PDK1: variants seen among roughly 807,000 people sequenced by gnomAD.
PDK1 encodes [Pyruvate dehydrogenase (acetyl-transferring)] kinase isozyme 1, mitochondrial.
PDK1 carries 39 observed loss-of-function variants against 54.2 expected under a neutral mutation model. The observed-to-expected ratio is 0.72, with a 90% CI of 0.56 to 0.94. PDK1 has a LOEUF of 0.94. PDK1 is among the 40% of genes least tolerant of loss of function. The pLI, the probability that PDK1 is intolerant of heterozygous loss-of-function variation, is 0.00. For missense variants in PDK1, 552 were observed against 566.0 expected (o/e 0.98, Z 0.25); for synonymous variants, 221 against 207.1 (o/e 1.07, Z -0.58).
the PDK1 span, among the ~76,000 whole-genome samples, chr2:172,669,765 A>G: frequency 6.6e-6 from 1 of 152,188 alleles, no homozygotes; most frequent in Non-Finnish European, 1.5e-5. Context: ...GATGTTGAGC[A>G]TTTTTTAATT....
chr2:172,645,328 T>G, the PDK1 span, among the ~76,000 whole-genome samples: 1 of 123,996 alleles, frequency 8.1e-6, no homozygotes, highest in Non-Finnish European at 1.6e-5. Flanking sequence ...TGGAGTGCAG[T>G]GGCACGATCT....
chr2:172,700,348 C>T, the PDK1 span, among the ~76,000 whole-genome samples: 5 of 149,782 alleles, frequency 3.3e-5, no homozygotes, highest in South Asian at 1.1e-3. Context: ...AGAGGCGCCC[C>T]CCACCTCCTG....
the PDK1 span, among the ~76,000 whole-genome samples, chr2:172,630,053 A>G: frequency 6.6e-6 from 1 of 152,230 alleles, no homozygotes; most frequent in South Asian, 2.1e-4. Flanking sequence ...AAATGGCTGC[A>G]GAAGCCTACT....
At chr2:172,671,765 A>C in the PDK1 span, among the ~76,000 whole-genome samples, 1 of 152,294 alleles carries the variant, frequency 6.6e-6, no homozygotes, top group Non-Finnish European at 1.5e-5. Context: ...GAAGAGAAAG[A>C]GAAGAGGCAA....
chr2:172,618,521 GC>G, the PDK1 span, among the ~76,000 whole-genome samples: 350 of 152,270 alleles, frequency 2.3e-3, no homozygotes, highest in Non-Finnish European at 4.2e-3. Context: ...GAGAACTGAA[GC>G]CAAAGATGAA....
At chr2:172,710,819 T>C in the PDK1 span, among the ~76,000 whole-genome samples, 1 of 152,310 alleles carries the variant, frequency 6.6e-6, no homozygotes, top group Non-Finnish European at 1.5e-5. Flanking sequence ...AACATTCCCA[T>C]GCAAAAGCAA....
intron 9 of PDK1, among the ~76,000 whole-genome samples, chr2:172,592,152 G>A (rs1690624768): frequency 6.6e-6 from 1 of 152,198 alleles, no homozygotes; most frequent in Non-Finnish European, 1.5e-5. Context: ...AGTGCTTCCG[G>A]GCTATGCCCT....
chr2:172,642,722 T>A, the PDK1 span, among the ~76,000 whole-genome samples: 1 of 152,214 alleles, frequency 6.6e-6, no homozygotes, highest in Non-Finnish European at 1.5e-5. Context: ...GCTCCCTCCC[T>A]CAGGCACTTT....
chr2:172,625,998 T>G, the PDK1 span, among the ~76,000 whole-genome samples: 1 of 152,200 alleles, frequency 6.6e-6, no homozygotes, highest in African/African-American at 2.4e-5. Flanking sequence ...CTGCAGCAGG[T>G]AAAAACATTT....
the PDK1 span, among the ~76,000 whole-genome samples, chr2:172,715,881 A>G: frequency 6.6e-6 from 1 of 152,230 alleles, no homozygotes; most frequent in Non-Finnish European, 1.5e-5. Flanking sequence ...CATTCTTTTT[A>G]GTGATCTAGA....
chr2:172,717,908 A>T, the PDK1 span, among the ~76,000 whole-genome samples: 1 of 152,194 alleles, frequency 6.6e-6, no homozygotes, highest in South Asian at 2.1e-4. Context: ...TGTGTAAGAC[A>T]CTTCATTTTA....
rs1457163296 is a variant in PDK1, at chr2:172,604,470, G to C, written c.*8501G>C. ...TTGTTAGACTTAAATCTAAGTATTT[G>C]CTTTTTTTTTAACTTACAAATTTTT... On this transcript the variant is annotated 3_prime_UTR_variant, in exon 11 of 11. Coordinates refer to ENST00000282077, the MANE Select transcript of PDK1 (RefSeq NM_002610.5). The C allele has an allele frequency of 6.6e-6, 1 of 151,906 alleles. No individual in the cohort carries two copies. Among genetic ancestry groups the C allele is most frequent in the Non-Finnish European group, 1.5e-5 (1 of 67,968 alleles). 9.4% of individuals were successfully genotyped at this position (151,906 alleles called of 1,614,324 possible).
At chr2:172,572,911 T>C (rs951213073) in intron 8 of PDK1, among the ~76,000 whole-genome samples, 1 of 152,206 alleles carries the variant, frequency 6.6e-6, no homozygotes, top group Admixed American at 6.5e-5. Context: ...TATAATGTTA[T>C]AGTATGCATT....
chr2:172,653,146 G>T, the PDK1 span, among the ~76,000 whole-genome samples: 1 of 152,104 alleles, frequency 6.6e-6, no homozygotes, highest in African/African-American at 2.4e-5. Context: ...GAACAGAACA[G>T]AGCCCTCGGA....
chr2:172,558,680 C>G (rs1281820597), intron 1 of PDK1, 28 bp from the exon 2 acceptor site: 2 of 1,567,996 alleles, frequency 1.3e-6, no homozygotes, highest in Non-Finnish European at 1.7e-6. Context: ...CTTTTACTTA[C>G]TGCTTTACCC....
the PDK1 span, among the ~76,000 whole-genome samples, chr2:172,720,633 C>T: frequency 1.3e-4 from 20 of 152,192 alleles, 1 homozygote; most frequent in Non-Finnish European, 2.5e-4. Flanking sequence ...CTTCCCTGTA[C>T]CTGCCCAGTA....
At chr2:172,697,827 A>G in the PDK1 span, among the ~76,000 whole-genome samples, 1 of 152,302 alleles carries the variant, frequency 6.6e-6, no homozygotes, top group African/African-American at 2.4e-5. Flanking sequence ...TATCTCATTT[A>G]TATTATACAT....
intron 8 of PDK1, among the ~76,000 whole-genome samples, chr2:172,583,526 T>C (rs954633402): frequency 6.6e-6 from 1 of 151,940 alleles, no homozygotes; most frequent in Admixed American, 6.6e-5. Flanking sequence ...ACTGCTGACC[T>C]CAAGTGATTC....
At chr2:172,668,738 T>TTA in the PDK1 span, among the ~76,000 whole-genome samples, 1 of 147,724 alleles carries the variant, frequency 6.8e-6, no homozygotes, top group East Asian at 2.0e-4. Context: ...TCATTTTATT[T>TTA]TATATATATT....
Sources: gnomAD v4.1 joint callset for allele counts (sites outside exome capture counted in the v4.1 genomes callset) on GRCh38, gnomAD v4.1.1 for gene constraint, MANE v1.5 for transcripts, NCBI Gene and HGNC (gene_info 2026-07-23, HGNC 2026-07-21) for gene names.